The following AP3B1 variants were observed in gnomAD, a reference collection of about 807,000 sequenced individuals.
The protein encoded by AP3B1 is adaptor related protein complex 3 subunit beta 1, also known as AP-3 complex subunit beta-1.
A neutral mutation model predicts 132.5 loss-of-function variants in AP3B1; 61 were observed. The observed-to-expected ratio is 0.46, with a 90% CI of 0.37 to 0.57. The LOEUF (loss-of-function observed/expected upper bound fraction) is 0.57. Ranked by LOEUF, AP3B1 falls within the 20% of genes least tolerant of loss-of-function variation. The pLI, the probability that AP3B1 is intolerant of heterozygous loss-of-function variation, is 0.00. For missense variants in AP3B1, 1,120 were observed against 1,289.4 expected, an observed-to-expected ratio of 0.87 and a Z score of 2.01; for synonymous variants, 388 against 438.3, an observed-to-expected ratio of 0.89 and a Z score of 1.43.
intron 2 of AP3B1, among the ~76,000 whole-genome samples, chr5:78,243,089 C>A (rs1747212830): frequency 6.6e-6 from 1 of 152,166 alleles, no homozygotes; most frequent in African/African-American, 2.4e-5. Context: ...ACAAGCTAGT[C>A]TTTTTATATT....
chr5:78,101,993 G>T (rs1751147760), intron 20 of AP3B1, among the ~76,000 whole-genome samples: 1 of 151,900 alleles, frequency 6.6e-6, no homozygotes, highest in Admixed American at 6.5e-5. Context: ...TCATTCAATA[G>T]GTATGTATAG....
chr5:78,155,760 A>G (rs568692519), intron 14 of AP3B1, among the ~76,000 whole-genome samples: 1 of 152,058 alleles, frequency 6.6e-6, no homozygotes, highest in Non-Finnish European at 1.5e-5. Context: ...TTAAGGGGTG[A>G]TGAAAATGTC....
chr5:78,240,296 T>C (rs115241863), intron 3 of AP3B1, among the ~76,000 whole-genome samples: 2,144 of 152,314 alleles, frequency 0.014, 56 homozygotes, highest in African/African-American at 0.049. Context: ...AATTAATTTA[T>C]CAATTAACCA....
intron 7 of AP3B1, among the ~76,000 whole-genome samples, chr5:78,184,502 C>T (rs559990031): frequency 1.1e-3 from 167 of 151,662 alleles, no homozygotes; most frequent in Non-Finnish European, 2.0e-3. Flanking sequence ...CTGGCTAACA[C>T]GGTGAAACCC....
chr5:78,184,339 C>A (rs1194527366), intron 7 of AP3B1, among the ~76,000 whole-genome samples: 3 of 151,898 alleles, frequency 2.0e-5, no homozygotes, highest in Admixed American at 6.6e-5. Context: ...CACAGAACAA[C>A]AAGATTTACC....
chr5:78,284,625 T>C (rs946540464), intron 1 of AP3B1, among the ~76,000 whole-genome samples: 1 of 152,138 alleles, frequency 6.6e-6, no homozygotes, highest in African/African-American at 2.4e-5. Flanking sequence ...AAACACATGA[T>C]ATACACATAC....
Position 78,162,867 on chromosome 5 carries a change from T to C in AP3B1, c.1315A>G (p.Thr439Ala). The change falls in exon 13 of 27, where the codon ACT (threonine) becomes GCT (alanine). Residue 439 changes from threonine to alanine, a missense_variant. By Grantham distance (58) the Thr-to-Ala change is moderately conservative. Around this residue, in one of 3 missense-constraint regions of AP3B1, gnomAD observed 906 missense variants for 997.1 expected, o/e 0.91. Transcript: ENST00000255194. ...ACCAAGCCATTGAGGCACGTGTCAG[T>C]GACTTCCAAGATGTTGGTTGCACAT... The part of the protein sequence containing the change: ...GRCATNILEV[T>A]DTCLNGLVCL... 1 of 1,614,096 alleles carries C rather than the reference T, an allele frequency of 6.2e-7. No individual in the cohort carries two copies.
chr5:78,240,381 C>T (rs768818128), intron 3 of AP3B1, among the ~76,000 whole-genome samples: 3 of 152,064 alleles, frequency 2.0e-5, no homozygotes, highest in Non-Finnish European at 2.9e-5. Flanking sequence ...TTTACTGGGA[C>T]GTGTTCATTC....
chr5:78,050,940 A>G (rs1470387861), intron 22 of AP3B1, among the ~76,000 whole-genome samples: 1 of 152,188 alleles, frequency 6.6e-6, no homozygotes, highest in Non-Finnish European at 1.5e-5. Flanking sequence ...AGCATCCAGT[A>G]ACAATGAGAT....
At chr5:78,190,664 T>A (rs1187924203) in intron 7 of AP3B1, among the ~76,000 whole-genome samples, 3 of 152,136 alleles carry the variant, frequency 2.0e-5, no homozygotes, top group Non-Finnish European at 4.4e-5. Context: ...CTTGTCTTGG[T>A]TTACTCATCT....
intron 22 of AP3B1, among the ~76,000 whole-genome samples, chr5:78,083,682 C>T (rs1750109905): frequency 6.6e-6 from 1 of 152,142 alleles, no homozygotes; most frequent in Non-Finnish European, 1.5e-5. Flanking sequence ...AAGACTAAAA[C>T]ATGCTGTGTT....
chr5:78,181,751 C>A (rs893732347), intron 7 of AP3B1, 89 bp from the exon 8 acceptor site: 1 of 1,144,116 alleles, frequency 8.7e-7, no homozygotes, highest in African/African-American at 1.6e-5. Context: ...CTTTAAACAT[C>A]TATAACAACA....
chr5:78,239,646 G>C (rs1388355037), intron 3 of AP3B1, among the ~76,000 whole-genome samples: 3 of 151,658 alleles, frequency 2.0e-5, no homozygotes, highest in African/African-American at 7.3e-5. Flanking sequence ...AAGCATGGTT[G>C]TAAGCGCCTG....
At chr5:78,022,614 T>C (rs1409137542) in intron 24 of AP3B1, among the ~76,000 whole-genome samples, 1 of 152,194 alleles carries the variant, frequency 6.6e-6, no homozygotes, top group East Asian at 1.9e-4. Flanking sequence ...ACTTTACTTA[T>C]ATAACTAAGA....
intron 22 of AP3B1, among the ~76,000 whole-genome samples, chr5:78,039,620 T>C (rs537558244): frequency 3.3e-5 from 5 of 151,646 alleles, no homozygotes; most frequent in Admixed American, 2.0e-4. Flanking sequence ...CTAAACAAAA[T>C]AGAAAAAATT....
At chr5:78,228,541 T>C (rs2112496440) in intron 3 of AP3B1, among the ~76,000 whole-genome samples, 2 of 152,250 alleles carry the variant, frequency 1.3e-5, no homozygotes, top group Admixed American at 1.3e-4. Context: ...TGTAAAAATA[T>C]TTTCAAAATG....
intron 1 of AP3B1, among the ~76,000 whole-genome samples, chr5:78,280,181 C>G (rs1482393340): frequency 6.6e-6 from 1 of 151,480 alleles, no homozygotes; most frequent in Non-Finnish European, 1.5e-5. Context: ...AATCTATAAT[C>G]ACAAGAAGAA....
rs139616857 is a variant in AP3B1 at position 78,023,839 on chromosome 5, G to A, written c.2895-3050C>T. Among the ~76,000 whole-genome samples, 629 of 152,152 alleles carry A rather than the reference G, an allele frequency of 4.1e-3. 4 individuals carry two copies. The highest frequency in any genetic ancestry group is 0.012 in the African/African-American group (507 of 41,492). ...TGAGTTGAAGGGTGAAGGGAAGATTGGCAATGGAAGAAGGAACAGAAAGCA... is the reference window on the plus strand; with the variant it reads ...TGAGTTGAAGGGTGAAGGGAAGATTAGCAATGGAAGAAGGAACAGAAAGCA... On this transcript the variant is annotated intron_variant, in intron 24 of 26. Coordinates refer to ENST00000255194, the MANE Select transcript of AP3B1 (RefSeq NM_003664.5).
chr5:78,023,139 G>A (rs1713645682), intron 24 of AP3B1, among the ~76,000 whole-genome samples: 2 of 152,224 alleles, frequency 1.3e-5, no homozygotes. Context: ...ACCTTCTAAT[G>A]TGAACAACTG....
Sources: allele counts gnomAD v4.1 joint callset (sites outside exome capture counted in the v4.1 genomes callset), GRCh38; gene constraint gnomAD v4.1.1; regional missense constraint gnomAD v4.1.1; transcripts MANE v1.5; gene names NCBI Gene and HGNC (gene_info 2026-07-23, HGNC 2026-07-21).